MPI: variants seen among roughly 807,000 people sequenced by gnomAD.
MPI encodes mannose phosphate isomerase.
A neutral mutation model predicts 40.1 loss-of-function variants in MPI; 33 were observed. That is an observed-to-expected ratio of 0.82 (90% CI 0.62 to 1.10). The LOEUF (loss-of-function observed/expected upper bound fraction) is 1.10, where lower values mean the gene tolerates loss of function less well. Among genes scored for constraint, MPI ranks in the 50% least tolerant of loss-of-function variants. MPI has a pLI of 0.00. For synonymous variants in MPI, 187 were observed against 207.4 expected (o/e 0.90, Z 0.85); for missense variants, 514 against 524.1 (o/e 0.98, Z 0.19).
intron 5 of MPI, 30 bp downstream of exon 5, chr15:74,893,350 C>T (rs532538118): frequency 6.2e-7 from 1 of 1,612,284 alleles, no homozygotes. Context: ...TGGTTGGGTG[C>T]AATGCTCTGG....
At chr15:74,894,823 T>A (rs1395674247) in intron 5 of MPI, among the ~76,000 whole-genome samples, 2 of 151,542 alleles carry the variant, frequency 1.3e-5, no homozygotes, top group Non-Finnish European at 2.9e-5. Context: ...GAAAAAAAAT[T>A]TAAAAATTAA....
At position 74,890,065 on chromosome 15, in the gene MPI, G is replaced by T. The variant is rs765257602; in HGVS notation, c.-9G>T. On this transcript the variant is annotated 5_prime_UTR_variant, in exon 1 of 8. Transcript: ENST00000352410. Reference sequence around the variant, plus strand: ...GCATACGTGCTTAATCCTGGTGCAGGGGGCGAGCATGGCCGCTCCGCGAGG... The same window carrying T: ...GCATACGTGCTTAATCCTGGTGCAGTGGGCGAGCATGGCCGCTCCGCGAGG... The T allele has an allele frequency of 8.1e-6, 13 of 1,606,930 alleles. No homozygotes were observed. Among genetic ancestry groups the T allele is most frequent in the African/African-American group, 1.3e-5 (1 of 74,936 alleles).
At position 74,902,044 on chromosome 15, in the gene MPI, C is replaced by A; in HGVS notation, c.*4314C>A. 2 of 398,428 alleles carry A rather than the reference C, an allele frequency of 5.0e-6. No homozygotes were observed. The highest frequency in any genetic ancestry group is 2.6e-4 in the South Asian group (2 of 7,766). The allele number at this position is 398,428 out of a possible 1,614,324, so 24.7% of individuals were successfully genotyped here. On this transcript the variant is annotated 3_prime_UTR_variant, in exon 8 of 8. Coordinates refer to ENST00000352410, the MANE Select transcript of MPI (RefSeq NM_002435.3). ...TTAAGCAACCTGCTATGATCCCTGT[C>A]ATAGTTAGACAGGTGCAACCTGAAG...
In MPI at chr15:74,897,116, G is replaced by C. The variant is rs1437466115; in HGVS notation, c.950G>C (p.Ser317Thr). The change falls in exon 7 of 8, where the codon AGC (serine) becomes ACC (threonine). Residue 317 changes from serine (S) to threonine (T), a missense_variant. Transcript: ENST00000352410. Reference sequence around the variant, plus strand: ...TGTGAAATGCTCAGCTATACCCCTAGCTCCAGCAAGGACAGGCTCTTTCTC... The same window carrying C: ...TGTGAAATGCTCAGCTATACCCCTACCTCCAGCAAGGACAGGCTCTTTCTC... The part of the protein sequence containing the change: ...TLCEMLSYTP[S>T]SSKDRLFLPT... 1 of 1,614,154 alleles carries C rather than the reference G, an allele frequency of 6.2e-7. No homozygotes were observed.
intron 5 of MPI, chr15:74,895,582 C>A (rs554545176): frequency 7.3e-4 from 99 of 135,776 alleles, no homozygotes; most frequent in Admixed American, 2.4e-3. Context: ...GACAGCGAGA[C>A]CCCGTCTCAA....
rs373207227 is a variant in MPI, at chr15:74,890,669, G to A, written c.144+15G>A. 1.1e-5 allele frequency: 17 copies of A among 1,612,640 alleles called. No individual in the cohort carries two copies. Among genetic ancestry groups the A allele is most frequent in the Middle Eastern group, 1.6e-4 (1 of 6,082 alleles). On this transcript the variant is annotated intron_variant, in intron 2 of 7. Transcript: ENST00000352410. The stretch of plus-strand genomic sequence containing the variant: ...CTTATGCAGAGGTGAGCCCCGGGCT[G>A]TATTTCAGCCCACTTTACCCGCAGG...
Position 74,897,571 on chromosome 15 carries a change from G to C in MPI, c.1113G>C (p.Leu371=). 1 of 1,614,158 alleles carries C rather than the reference G, an allele frequency of 6.2e-7. No homozygotes were observed. The highest frequency in any genetic ancestry group is 2.2e-5 in the East Asian group (1 of 44,890). Residue 371 remains leucine, a synonymous_variant, in exon 8 of 8, where the codon CTG becomes CTC. Coordinates refer to ENST00000352410, the MANE Select transcript of MPI (RefSeq NM_002435.3). ...VLALDSASIL[L]MVQGTVIAST... ...CACTGGACTCTGCCAGCATCCTCCTGATGGTACAGGGGACAGTAATAGCCA... is the reference window on the plus strand; with the variant it reads ...CACTGGACTCTGCCAGCATCCTCCTCATGGTACAGGGGACAGTAATAGCCA...
chr15:74,897,843 C>T lies in MPI; in HGVS notation c.*113C>T, dbSNP rs1289450952. 1.1e-5 allele frequency: 11 copies of T among 1,015,622 alleles called. No individual in the cohort carries two copies. Among genetic ancestry groups the T allele is most frequent in the South Asian group, 9.4e-5 (7 of 74,090 alleles). The allele number at this position is 1,015,622 out of a possible 1,614,324, so 62.9% of individuals were successfully genotyped here. A position where few individuals can be genotyped will look rare whatever the true frequency, so the allele number is the denominator to read the frequency against. ...TTGCTCTGGACCCCTTAGGTATACC[C>T]TGGAAGAGCTGGGGTGGGGGAGGAG... On this transcript the variant is annotated 3_prime_UTR_variant, in exon 8 of 8. Transcript: ENST00000352410.
At chr15:74,893,621 C>T (rs1314681582) in intron 5 of MPI, 4 of 598,186 alleles carry the variant, frequency 6.7e-6, no homozygotes, top group Non-Finnish European at 1.2e-5. Context: ...AGCCCTGCAG[C>T]TGCCCTCCAT....
Position 74,896,300 on chromosome 15 carries a change from C to CG in MPI, c.820dup (p.Val274GlyfsTer31), listed in dbSNP as rs1567268668. ...GGGAGGCCATGTTTCTGGAGGCCAA[C>CG]GTACCCCATGCCTACCTGAAAGGAG... On this transcript the variant is annotated frameshift_variant, in exon 6 of 8. Coordinates refer to ENST00000352410, the MANE Select transcript of MPI (RefSeq NM_002435.3). LOFTEE classifies it high-confidence loss of function. 1 of 1,614,180 alleles carries CG rather than the reference C, an allele frequency of 6.2e-7. No individual in the cohort carries two copies. Among genetic ancestry groups the CG allele is most frequent in the East Asian group, 2.2e-5 (1 of 44,880 alleles).
rs1221703708 is a variant in MPI at position 74,900,368 on chromosome 15, A to ATG, written c.*2639_*2640insGT. 6.6e-6 allele frequency: 1 copy of ATG among 152,220 alleles called. No homozygotes were observed. The highest frequency in any genetic ancestry group is 1.5e-5 in the Non-Finnish European group (1 of 68,084). 9.4% of individuals were successfully genotyped at this position (152,220 alleles called of 1,614,324 possible). A position where few individuals can be genotyped will look rare whatever the true frequency, so the allele number is the denominator to read the frequency against. On this transcript the variant is annotated 3_prime_UTR_variant, in exon 8 of 8. Transcript: ENST00000352410. ...GTTGCAGCTGAATATGCCAGAGCTG[A>ATG]TTATTACAACAACGATGCAGAGGGC... is the stretch of plus-strand genomic sequence containing the variant.
chr15:74,890,390 G>A (rs900847444), intron 1 of MPI, 137 bp from the exon 2 acceptor site: 4 of 1,126,462 alleles, frequency 3.6e-6, no homozygotes, highest in Non-Finnish European at 5.2e-6. Context: ...CAGCGGAGGG[G>A]GGTCTCATCC....
At chr15:74,890,111 C>T in intron 1 of MPI, 22 bp downstream of exon 1, 1 of 1,607,632 alleles carries the variant, frequency 6.2e-7, no homozygotes, top group Non-Finnish European at 8.5e-7. Context: ...GCTGGGGTGT[C>T]GGCGAGTGTG....
intron 1 of MPI, 72 bp from the exon 2 acceptor site, chr15:74,890,455 T>TG (rs1246063927): frequency 2.5e-6 from 4 of 1,605,948 alleles, no homozygotes; most frequent in Non-Finnish European, 3.4e-6. Context: ...CCCCAGCTCT[T>TG]GCCTGGTTTC....
At chr15:74,892,548 A>C in intron 3 of MPI, 113 bp from the exon 4 acceptor site, 1 of 1,467,068 alleles carries the variant, frequency 6.8e-7, no homozygotes, top group Non-Finnish European at 9.4e-7. Context: ...GTAGGTAGTC[A>C]CTGCCATCCT....
intron 4 of MPI, 116 bp downstream of exon 4, chr15:74,892,918 A>T (rs767316750): frequency 6.3e-5 from 97 of 1,548,014 alleles, no homozygotes; most frequent in Non-Finnish European, 8.2e-5. Context: ...GAAGGGCCTC[A>T]TGAAGCAGTT....
Position 74,898,688 on chromosome 15 carries a change from C to T in MPI, c.*958C>T, listed in dbSNP as rs1054027703. ...AAGTAGCTGGGACCACAGGCGCCCA[C>T]CACCACGCCCAGCCAATTTTTTTGG... is the stretch of plus-strand genomic sequence containing the variant. On this transcript the variant is annotated 3_prime_UTR_variant, in exon 8 of 8. Transcript: ENST00000352410. The T allele has an allele frequency of 6.6e-6, 1 of 152,402 alleles. No individual in the cohort carries two copies. The highest frequency in any genetic ancestry group is 1.5e-5 in the Non-Finnish European group (1 of 68,094). 9.4% of individuals were successfully genotyped at this position (152,402 alleles called of 1,614,324 possible).
At position 74,893,273 on chromosome 15, in the gene MPI, T is replaced by C; in HGVS notation, c.623T>C (p.Val208Ala). 3.1e-6 allele frequency: 5 copies of C among 1,614,056 alleles called. No individual in the cohort carries two copies. The highest frequency in any genetic ancestry group is 4.2e-6 in the Non-Finnish European group (5 of 1,179,988). The change falls in exon 5 of 8, where the codon GTG (valine) becomes GCG (alanine). Residue 208 changes from valine (V) to alanine (A), a missense_variant. Val to Ala is a moderately conservative substitution (Grantham distance 64, BLOSUM62 0). Coordinates refer to ENST00000352410, the MANE Select transcript of MPI (RefSeq NM_002435.3). ...FSHLMKSEKKVVVEQLNLLVK... is the reference protein window; with the variant it reads ...FSHLMKSEKKAVVEQLNLLVK... ...CACCTGATGAAGAGTGAGAAGAAGG[T>C]GGTGGTGGAACAGCTCAACCTGTTG...
intron 6 of MPI, 47 bp downstream of exon 6, chr15:74,896,372 CCT>C (rs771541177): frequency 9.3e-6 from 15 of 1,605,980 alleles, no homozygotes; most frequent in Non-Finnish European, 1.1e-5. Flanking sequence ...CCTGCTGGGC[CCT>C]GTTTCCCTAT....
Sources: gnomAD v4.1 joint callset for allele counts (sites outside exome capture counted in the v4.1 genomes callset) on GRCh38, gnomAD v4.1.1 for gene constraint, MANE v1.5 for transcripts, NCBI Gene and HGNC (gene_info 2026-07-23, HGNC 2026-07-21) for gene names.